FAM185A: variants seen among roughly 807,000 people sequenced by gnomAD.
FAM185A encodes protein FAM185A.
FAM185A carries 21 observed loss-of-function variants against 45.7 expected under a neutral mutation model. The observed-to-expected ratio is 0.46, with a 90% CI of 0.33 to 0.66. The LOEUF (loss-of-function observed/expected upper bound fraction) is 0.66. FAM185A is among the 30% of genes least tolerant of loss of function. The pLI is 0.03. For synonymous variants in FAM185A, 117 were observed against 194.0 expected (o/e 0.60, Z 3.30); for missense variants, 305 against 485.4 (o/e 0.63, Z 3.49).
chr7:102,838,756 A>G, the FAM185A span, among the ~76,000 whole-genome samples: 1 of 152,196 alleles, frequency 6.6e-6, no homozygotes. Flanking sequence ...GGTAAAAGTC[A>G]TCGCCATTCT....
intron 7 of FAM185A, among the ~76,000 whole-genome samples, chr7:102,796,041 G>A (rs1796422595): frequency 6.6e-6 from 1 of 151,956 alleles, no homozygotes; most frequent in Non-Finnish European, 1.5e-5. Flanking sequence ...TGGCTATGCA[G>A]GAGACCAGTT....
intron 6 of FAM185A, among the ~76,000 whole-genome samples, chr7:102,785,580 A>G (rs1795736331): frequency 6.6e-6 from 1 of 151,530 alleles, no homozygotes; most frequent in Non-Finnish European, 1.5e-5. Context: ...GCAATGGGGA[A>G]AGGATTCCCT....
chr7:102,773,214 TTTCAA>T (rs1794859920), intron 5 of FAM185A, among the ~76,000 whole-genome samples: 1 of 149,634 alleles, frequency 6.7e-6, no homozygotes, highest in Admixed American at 6.7e-5. Context: ...AGTTTACTAT[TTTCAA>T]GGGAAAGAAG....
chr7:102,828,299 G>A, the FAM185A span, among the ~76,000 whole-genome samples: 1,874 of 151,686 alleles, frequency 0.012, 40 homozygotes, highest in African/African-American at 0.042. Flanking sequence ...GGTCCTTCAC[G>A]TCCCTTGTAA....
the FAM185A span, among the ~76,000 whole-genome samples, chr7:102,847,930 G>T: frequency 6.6e-6 from 1 of 152,016 alleles, no homozygotes; most frequent in African/African-American, 2.4e-5. Context: ...CACAATTTGG[G>T]TGTAATAAAT....
intron 7 of FAM185A, among the ~76,000 whole-genome samples, chr7:102,803,954 T>A (rs1020770698): frequency 6.6e-6 from 1 of 151,762 alleles, no homozygotes; most frequent in South Asian, 2.1e-4. Context: ...AAAAATGAAG[T>A]ACTTAGGAAT....
At chr7:102,831,294 CAG>C in the FAM185A span, among the ~76,000 whole-genome samples, 4 of 151,922 alleles carry the variant, frequency 2.6e-5, no homozygotes, top group African/African-American at 4.8e-5. Context: ...TCACCTCCAC[CAG>C]AGAACATGTG....
At chr7:102,759,032 T>C (rs1006949806) in intron 3 of FAM185A, among the ~76,000 whole-genome samples, 1 of 152,158 alleles carries the variant, frequency 6.6e-6, no homozygotes, top group Non-Finnish European at 1.5e-5. Flanking sequence ...TTAAAAATAC[T>C]CTGTAAATTA....
chr7:102,842,272 G>C, the FAM185A span, among the ~76,000 whole-genome samples: 1 of 152,190 alleles, frequency 6.6e-6, no homozygotes, highest in East Asian at 1.9e-4. Context: ...TGTAACCCTA[G>C]AGAAGAGGTG....
the FAM185A span, among the ~76,000 whole-genome samples, chr7:102,821,855 G>A: frequency 3.9e-5 from 6 of 152,256 alleles, no homozygotes; most frequent in East Asian, 1.2e-3. Flanking sequence ...ACTGGAAAAG[G>A]GATAGGAAAC....
rs1405055614 is a variant in FAM185A at position 102,772,501 on chromosome 7, T to C, written c.835+51T>C. On this transcript the variant is annotated intron_variant, in intron 5 of 7. Transcript: ENST00000413034. The stretch of plus-strand genomic sequence containing the variant: ...TATTTTGTCCACTTTTAAAAATGGG[T>C]ATATTTGTGATGACTTTATTAGAAT... 8.8e-6 allele frequency: 11 copies of C among 1,254,280 alleles called. 1 individual carries two copies. Among genetic ancestry groups the C allele is most frequent in the Admixed American group, 8.4e-5 (3 of 35,548 alleles). The allele number at this position is 1,254,280 out of a possible 1,614,324, so 77.7% of individuals were successfully genotyped here.
the FAM185A span, among the ~76,000 whole-genome samples, chr7:102,838,135 T>C: frequency 1.3e-5 from 2 of 152,134 alleles, no homozygotes; most frequent in African/African-American, 4.8e-5. Context: ...AAGAGCACAG[T>C]CTGGGGGCCC....
chr7:102,757,975 A>G, intron 3 of FAM185A, 29 bp downstream of exon 3: 1 of 1,503,214 alleles, frequency 6.7e-7, no homozygotes. Context: ...TTTTTTTTTT[A>G]GTAATTGCAA....
intron 7 of FAM185A, among the ~76,000 whole-genome samples, chr7:102,799,136 A>G (rs1378416217): frequency 6.6e-6 from 1 of 152,204 alleles, no homozygotes; most frequent in East Asian, 1.9e-4. Context: ...GACCTACCAA[A>G]TGCAGCATAG....
At position 102,749,172 on chromosome 7, in the gene FAM185A, C is replaced by T. The variant is rs1793174979; in HGVS notation, c.-36C>T. The T allele has an allele frequency of 1.0e-5, 16 of 1,551,094 alleles. No homozygotes were observed. The highest frequency in any genetic ancestry group is 1.2e-5 in the Non-Finnish European group (14 of 1,146,870). On this transcript the variant is annotated 5_prime_UTR_variant, in exon 1 of 8. Transcript: ENST00000413034. ...CCGTGGCAAGTGACCCTCCCTGTGG[C>T]TGAAGTGTTCTGAGGACTGGCGAGA...
At chr7:102,755,126 T>C (rs1004937502) in intron 2 of FAM185A, 12 of 387,740 alleles carry the variant, frequency 3.1e-5, no homozygotes, top group Non-Finnish European at 5.5e-5. Flanking sequence ...ACAACAAGTG[T>C]GCGCCTCCCG....
intron 5 of FAM185A, among the ~76,000 whole-genome samples, 166 bp from the exon 6 acceptor site, chr7:102,777,087 T>C (rs534659475): frequency 6.6e-6 from 1 of 152,326 alleles, no homozygotes; most frequent in East Asian, 1.9e-4. Flanking sequence ...TTTCTGATAC[T>C]GTTTACGTTC....
intron 7 of FAM185A, among the ~76,000 whole-genome samples, chr7:102,793,736 C>A (rs1189416594): frequency 6.6e-6 from 1 of 151,214 alleles, no homozygotes; most frequent in African/African-American, 2.4e-5. Context: ...TTTAAATAAC[C>A]CTTTAAAAAT....
At chr7:102,758,118 A>T (rs1793873379) in intron 3 of FAM185A, among the ~76,000 whole-genome samples, 172 bp downstream of exon 3, 1 of 152,106 alleles carries the variant, frequency 6.6e-6, no homozygotes, top group Admixed American at 6.5e-5. Flanking sequence ...ATACAACTTA[A>T]GTTTTAGTTT....
Sources: allele counts gnomAD v4.1 joint callset (sites outside exome capture counted in the v4.1 genomes callset), GRCh38; gene constraint gnomAD v4.1.1; transcripts MANE v1.5; gene names NCBI Gene and HGNC (gene_info 2026-07-23, HGNC 2026-07-21).